Variants in PRR16 observed in about 807,000 individuals in gnomAD.
The protein encoded by PRR16 is protein Largen.
PRR16 carries 6 observed loss-of-function variants against 18.2 expected under a neutral mutation model. The observed-to-expected ratio is 0.33, with a 90% CI of 0.18 to 0.65. The LOEUF is 0.65. Among genes scored for constraint, PRR16 ranks in the 30% least tolerant of loss-of-function variants. The pLI, the probability that PRR16 is intolerant of heterozygous loss-of-function variation, is 0.74. For missense variants in PRR16, 412 were observed against 376.6 expected (o/e 1.09, Z -0.78); for synonymous variants, 151 against 147.8 (o/e 1.02, Z -0.16).
At chr5:120,515,699 G>C (rs777053663) in intron 1 of PRR16, among the ~76,000 whole-genome samples, 1 of 152,044 alleles carries the variant, frequency 6.6e-6, no homozygotes, top group African/African-American at 2.4e-5. Context: ...GTATGTATGT[G>C]GATATTTATT....
At chr5:120,470,078 A>G (rs897452509) in intron 1 of PRR16, among the ~76,000 whole-genome samples, 1 of 152,208 alleles carries the variant, frequency 6.6e-6, no homozygotes, top group Non-Finnish European at 1.5e-5. Context: ...GAAAAAAGAT[A>G]GAAATGCAAG....
chr5:120,782,924 TTAAATTGTCATCTCTC>T, the PRR16 span, among the ~76,000 whole-genome samples: 2 of 152,138 alleles, frequency 1.3e-5, no homozygotes, highest in Admixed American at 1.3e-4. Flanking sequence ...TCTTAAAGAT[TTAAATTGTCATCTCTC>T]TAAGTTGTTG....
chr5:120,733,323 A>C, the PRR16 span, among the ~76,000 whole-genome samples: 1 of 151,674 alleles, frequency 6.6e-6, no homozygotes, highest in Non-Finnish European at 1.5e-5. Flanking sequence ...TTAAGTTTAA[A>C]ATTTTTTAAA....
At chr5:120,540,592 C>G (rs897168972) in intron 1 of PRR16, among the ~76,000 whole-genome samples, 5 of 152,138 alleles carry the variant, frequency 3.3e-5, no homozygotes, top group Non-Finnish European at 5.9e-5. Context: ...TTGCCCTCCA[C>G]CTTCCTCTCT....
chr5:120,629,430 CATT>C (rs1365983036), intron 1 of PRR16, among the ~76,000 whole-genome samples: 2 of 151,992 alleles, frequency 1.3e-5, no homozygotes, highest in East Asian at 3.9e-4. Context: ...TTTTTTGTAA[CATT>C]ATTTCTAAAA....
downstream of PRR16, among the ~76,000 whole-genome samples, chr5:120,691,859 A>G (rs1297559227): frequency 1.3e-5 from 2 of 152,224 alleles, no homozygotes; most frequent in African/African-American, 4.8e-5. Context: ...TCAAGGGCTT[A>G]CTTTATTCTA....
chr5:120,601,965 A>G (rs983106723), intron 1 of PRR16, among the ~76,000 whole-genome samples: 1 of 152,020 alleles, frequency 6.6e-6, no homozygotes, highest in Admixed American at 6.6e-5. Flanking sequence ...TAGTTACTGT[A>G]GCCTTGTAAT....
chr5:120,550,868 T>C (rs1047839586), intron 1 of PRR16, among the ~76,000 whole-genome samples: 2 of 152,006 alleles, frequency 1.3e-5, no homozygotes, highest in African/African-American at 2.4e-5. Flanking sequence ...CTTTACCAGC[T>C]CTCAATACCG....
rs73262115 is a variant in PRR16, at chr5:120,477,669, C to T, written c.159+13024C>T. 0.01 allele frequency among the ~76,000 whole-genome samples: 1,554 copies of T among 152,240 alleles called. 11 individuals are homozygous for T. In the Middle Eastern group the frequency reaches 0.11, roughly 11 times the overall value. ...TCTTTTCAGATCCCTGTAGCAGTTTCTCATTTTACTCAAAGTCAGAGCACT... is the reference window on the plus strand; with the variant it reads ...TCTTTTCAGATCCCTGTAGCAGTTTTTCATTTTACTCAAAGTCAGAGCACT... On this transcript the variant is annotated intron_variant, in intron 1 of 1. Coordinates refer to ENST00000407149, the MANE Select transcript of PRR16 (RefSeq NM_001300783.2).
chr5:120,744,046 A>G, the PRR16 span, among the ~76,000 whole-genome samples: 1 of 151,868 alleles, frequency 6.6e-6, no homozygotes, highest in Non-Finnish European at 1.5e-5. Context: ...ACTGTTACTG[A>G]GCAATGGACT....
chr5:120,537,571 C>G (rs1277418875), intron 1 of PRR16, among the ~76,000 whole-genome samples: 1 of 127,912 alleles, frequency 7.8e-6, no homozygotes, highest in Non-Finnish European at 1.6e-5. Context: ...GCCCCCGACC[C>G]CCACACCAAT....
chr5:120,743,509 C>T, the PRR16 span, among the ~76,000 whole-genome samples: 7 of 151,928 alleles, frequency 4.6e-5, no homozygotes, highest in South Asian at 2.1e-4. Flanking sequence ...CTTCTGCATT[C>T]GAATATTGTA....
the PRR16 span, among the ~76,000 whole-genome samples, chr5:120,765,630 G>A: frequency 6.6e-6 from 1 of 151,578 alleles, no homozygotes; most frequent in African/African-American, 2.4e-5. Flanking sequence ...TTATTGAATT[G>A]CAATATGTAT....
chr5:120,485,596 A>G (rs1402642819), intron 1 of PRR16, among the ~76,000 whole-genome samples: 1 of 152,160 alleles, frequency 6.6e-6, no homozygotes. Flanking sequence ...GTTCATAATG[A>G]GTTACTAGTG....
chr5:120,753,876 ATT>A, the PRR16 span, among the ~76,000 whole-genome samples: 8 of 130,088 alleles, frequency 6.1e-5, no homozygotes, highest in Non-Finnish European at 9.5e-5. Context: ...TATATTATAT[ATT>A]TATATATTAT....
the PRR16 span, among the ~76,000 whole-genome samples, chr5:120,775,049 A>AT: frequency 6.6e-6 from 1 of 152,220 alleles, no homozygotes; most frequent in South Asian, 2.1e-4. Flanking sequence ...CATTAAAGGC[A>AT]TGACACTTAC....
chr5:120,588,339 C>T (rs542758230), intron 1 of PRR16, among the ~76,000 whole-genome samples: 2 of 152,248 alleles, frequency 1.3e-5, no homozygotes, highest in South Asian at 2.1e-4. Flanking sequence ...TGCTATCAGC[C>T]TCTCATGCTA....
chr5:120,624,085 G>A (rs933829168), intron 1 of PRR16, among the ~76,000 whole-genome samples: 7 of 152,102 alleles, frequency 4.6e-5, no homozygotes, highest in African/African-American at 1.7e-4. Context: ...TTCACAGTGG[G>A]GTATTTTTCC....
At chr5:120,734,855 A>G in the PRR16 span, among the ~76,000 whole-genome samples, 11 of 152,242 alleles carry the variant, frequency 7.2e-5, no homozygotes, top group African/African-American at 2.7e-4. Context: ...TTTGTTGGAC[A>G]TAAAAAATGA....
Sources: allele counts gnomAD v4.1 joint callset (sites outside exome capture counted in the v4.1 genomes callset), GRCh38; gene constraint gnomAD v4.1.1; transcripts MANE v1.5; gene names NCBI Gene and HGNC (gene_info 2026-07-23, HGNC 2026-07-21).